MYO7A: variants seen among roughly 807,000 people sequenced by gnomAD.
MYO7A encodes the protein unconventional myosin-VIIa.
A neutral mutation model predicts 263.8 loss-of-function variants in MYO7A; 210 were observed. The ratio of observed to expected loss-of-function variants is 0.80; its 90% CI spans 0.71 to 0.89. The LOEUF (loss-of-function observed/expected upper bound fraction) is 0.89. Among genes scored for constraint, MYO7A ranks in the 40% least tolerant of loss-of-function variants. The pLI is 0.00. For missense variants in MYO7A, 2,820 were observed against 2,968.3 expected (o/e 0.95, Z 1.16); for synonymous variants, 1,239 against 1,197.3 (o/e 1.03, Z -0.72).
At position 77,163,004 on chromosome 11, in the gene MYO7A, G is replaced by A. The variant is rs530113870; in HGVS notation, c.1690+16G>A. ...GAGACCCAAGGTACAGAGGGCTGCC[G>A]GCTGTCTGTCACTCCCTGCCCGTGG... On this transcript the variant is annotated intron_variant, in intron 14 of 48. Coordinates refer to ENST00000409709, the MANE Select transcript of MYO7A (RefSeq NM_000260.4). The A allele has an allele frequency of 1.3e-4, 214 of 1,612,598 alleles. No individual in the cohort carries two copies. Among genetic ancestry groups the A allele is most frequent in the East Asian group, 2.2e-4 (10 of 44,850 alleles).
Position 77,147,801 on chromosome 11 carries a change from C to T in MYO7A, c.136C>T (p.His46Tyr). The T allele has an allele frequency of 2.5e-6, 4 of 1,610,074 alleles. No individual in the cohort carries two copies. Among genetic ancestry groups the T allele is most frequent in the Non-Finnish European group, 3.4e-6 (4 of 1,178,838 alleles). Residue 46 changes from histidine to tyrosine, a missense_variant, in exon 4 of 49, where the codon CAC (histidine) becomes TAC (tyrosine). His to Tyr is a moderately conservative substitution (Grantham distance 83). Coordinates refer to ENST00000409709, the MANE Select transcript of MYO7A (RefSeq NM_000260.4). ...CTGACGTTCTGGCTCCCCGCAGGAA[C>T]ACTGGATCTCTCCGCAGAACGCAAC... ...VQVVDDEDNE[H>Y]WISPQNATHI...
At chr11:77,176,199 C>T (rs1459463151) in intron 18 of MYO7A, among the ~76,000 whole-genome samples, 1 of 152,238 alleles carries the variant, frequency 6.6e-6, no homozygotes, top group Non-Finnish European at 1.5e-5. Flanking sequence ...CAAGAACCAG[C>T]TCCGAACTGG....
At chr11:77,140,525 G>GCTCCCCACCCCTTCT (rs1432955078) in intron 2 of MYO7A, among the ~76,000 whole-genome samples, 1 of 152,212 alleles carries the variant, frequency 6.6e-6, no homozygotes, top group Admixed American at 6.5e-5. Flanking sequence ...AAGCGAACAC[G>GCTCCCCACCCCTTCT]CTCCCCACCC....
chr11:77,182,691 A>AG, intron 25 of MYO7A, 91 bp downstream of exon 25: 3 of 1,411,412 alleles, frequency 2.1e-6, no homozygotes, highest in Non-Finnish European at 2.9e-6. Context: ...CTGCAGAAAA[A>AG]GGATCCTATA....
rs569932794 is a variant in MYO7A at position 77,186,652 on chromosome 11, C to G, written c.3503+1937C>G. ...ATAGAATTGAAGAGACAGTCTTCCT[C>G]TAGATTAGGCTTTGGCTTAAGGGAA... On this transcript the variant is annotated intron_variant, in intron 27 of 48. Coordinates refer to ENST00000409709, the MANE Select transcript of MYO7A (RefSeq NM_000260.4). 6.4e-4 allele frequency among the ~76,000 whole-genome samples: 98 copies of G among 152,326 alleles called. 1 individual carries two copies. The highest frequency in any genetic ancestry group is 1.2e-3 in the Non-Finnish European group (83 of 68,022).
intron 10 of MYO7A, 29 bp downstream of exon 10, chr11:77,159,552 G>T (rs1555066981): frequency 8.1e-6 from 13 of 1,604,244 alleles, no homozygotes; most frequent in Non-Finnish European, 1.1e-5. Context: ...TCCCCTCCAT[G>T]ACTTCTGTCC....
Position 77,166,053 on chromosome 11 carries a change from C to T in MYO7A, c.1691-3C>T, listed in dbSNP as rs1953510930. On this transcript the variant is annotated splice_polypyrimidine_tract_variant and splice_region_variant and intron_variant, in intron 14 of 48. Transcript: ENST00000409709. ...AGAGGTGACTGCTGTTTGCTGCTTGCAGGCTTCCTGGAGAAGAACCGAGAC... is the reference window on the plus strand; with the variant it reads ...AGAGGTGACTGCTGTTTGCTGCTTGTAGGCTTCCTGGAGAAGAACCGAGAC... 1.9e-6 allele frequency: 3 copies of T among 1,612,366 alleles called. No homozygotes were observed. The African/African-American group carries it at 4.0e-5, about 22-fold the overall frequency.
At chr11:77,169,007 C>T (rs1268203706) in intron 15 of MYO7A, among the ~76,000 whole-genome samples, 1 of 152,210 alleles carries the variant, frequency 6.6e-6, no homozygotes, top group Non-Finnish European at 1.5e-5. Flanking sequence ...TGTGCTGTCT[C>T]CATAAACGTC....
At chr11:77,203,461 C>G (rs1957217538) in intron 38 of MYO7A, among the ~76,000 whole-genome samples, 1 of 152,216 alleles carries the variant, frequency 6.6e-6, no homozygotes, top group African/African-American at 2.4e-5. Flanking sequence ...GCAGGTAGAG[C>G]AGGGACCAGC....
chr11:77,201,423 G>A, intron 35 of MYO7A, 25 bp from the exon 36 acceptor site: 2 of 1,603,278 alleles, frequency 1.2e-6, no homozygotes, highest in Non-Finnish European at 8.5e-7. Context: ...CTGCCCCCAT[G>A]GTCCCACTCA....
chr11:77,202,804 G>T (rs529916198), intron 37 of MYO7A, among the ~76,000 whole-genome samples: 1 of 152,046 alleles, frequency 6.6e-6, no homozygotes, highest in South Asian at 2.1e-4. Context: ...TCTACAGGGG[G>T]CGCAGGGTGG....
intron 15 of MYO7A, among the ~76,000 whole-genome samples, chr11:77,166,900 C>T (rs1953599869): frequency 6.6e-6 from 1 of 152,182 alleles, no homozygotes; most frequent in Non-Finnish European, 1.5e-5. Flanking sequence ...CTTGCCCCTC[C>T]TCTCCCCATC....
chr11:77,194,017 G>T, intron 31 of MYO7A: 1 of 524,268 alleles, frequency 1.9e-6, no homozygotes, highest in Non-Finnish European at 3.7e-6. Context: ...GTCAGCTCTG[G>T]TCGCTGTCTC....
At chr11:77,153,935 C>T (rs1188775867) in intron 4 of MYO7A, among the ~76,000 whole-genome samples, 4 of 152,180 alleles carry the variant, frequency 2.6e-5, no homozygotes, top group African/African-American at 7.2e-5. Context: ...ATGGGCCAGA[C>T]GGCTGAGCAT....
At chr11:77,163,891 C>T (rs1445879477) in intron 14 of MYO7A, among the ~76,000 whole-genome samples, 1 of 152,054 alleles carries the variant, frequency 6.6e-6, no homozygotes. Context: ...CACTTGTGTA[C>T]AAATATCTGT....
chr11:77,148,983 A>G (rs1305887836), intron 4 of MYO7A, among the ~76,000 whole-genome samples: 3 of 152,198 alleles, frequency 2.0e-5, no homozygotes, highest in African/African-American at 7.2e-5. Context: ...TGTAGTTGGA[A>G]AAGAGATGGC....
chr11:77,150,928 T>C (rs375264156), intron 4 of MYO7A, among the ~76,000 whole-genome samples: 125 of 152,316 alleles, frequency 8.2e-4, no homozygotes, highest in African/African-American at 3.0e-3. Flanking sequence ...TCCCTGACCA[T>C]GGCAACCCCC....
intron 4 of MYO7A, among the ~76,000 whole-genome samples, chr11:77,149,235 C>CG (rs371283951): frequency 1.2e-5 from 1 of 83,784 alleles, no homozygotes; most frequent in Non-Finnish European, 2.4e-5. Context: ...GCAGGAGGGA[C>CG]CCCCCTGATG....
chr11:77,206,275 G>T, intron 41 of MYO7A, 73 bp downstream of exon 41: 1 of 1,161,188 alleles, frequency 8.6e-7, no homozygotes, highest in South Asian at 1.5e-5. Flanking sequence ...ACCAAAGGTG[G>T]CCTTAAGCCT....
Sources: allele counts gnomAD v4.1 joint callset (sites outside exome capture counted in the v4.1 genomes callset), GRCh38; gene constraint gnomAD v4.1.1; transcripts MANE v1.5; gene names NCBI Gene and HGNC (gene_info 2026-07-23, HGNC 2026-07-21).